Variants in NEMP2 observed in about 807,000 individuals in gnomAD.
NEMP2 encodes nuclear envelope integral membrane protein 2, also known as UPF0571 transmembrane protein.
NEMP2 carries 53 observed loss-of-function variants against 54.2 expected under a neutral mutation model. That is an observed-to-expected ratio of 0.98 (90% confidence interval 0.78 to 1.23). The LOEUF is 1.23. NEMP2 is among the 50% of genes most tolerant of loss of function. The probability of loss-of-function intolerance (pLI) is 0.00; values close to 1 mark genes in which losing one functional copy is unlikely to be tolerated. For missense variants in NEMP2, 455 were observed against 511.3 expected (o/e 0.89, Z 1.06); for synonymous variants, 197 against 190.3 (o/e 1.04, Z -0.29).
chr2:190,489,298 G>C, the NEMP2 span, among the ~76,000 whole-genome samples: 1 of 152,140 alleles, frequency 6.6e-6, no homozygotes, highest in Non-Finnish European at 1.5e-5. This position sits in a 1 kb window ranked among gnomAD's most constrained non-coding sequence, Gnocchi z 6.6. Context: ...AAACATAGGA[G>C]CTGAAATAGG....
chr2:190,465,487 C>A, the NEMP2 span, among the ~76,000 whole-genome samples: 1 of 151,764 alleles, frequency 6.6e-6, no homozygotes, highest in Non-Finnish European at 1.5e-5. The surrounding 1 kb of genome is among the most constrained non-coding windows in gnomAD (Gnocchi z 4.6). Flanking sequence ...GATTATACAT[C>A]AGTAATCTTA....
chr2:190,478,091 C>T, the NEMP2 span, among the ~76,000 whole-genome samples: 1 of 152,286 alleles, frequency 6.6e-6, no homozygotes, highest in East Asian at 1.9e-4. Context: ...TTGTATGCAC[C>T]TCAGGGATAT....
Position 190,533,929 on chromosome 2 carries a change from T to TAGC in NEMP2, c.97+627_97+629dup. On this transcript the variant is annotated intron_variant, in intron 1 of 8. Transcript: ENST00000409150. This position sits in a 1 kb window ranked among gnomAD's most constrained non-coding sequence, Gnocchi z 4.3. ...CCACTCCGTGGCGAGCCCCTACAGCTAGCAGCCGCTACCAGTTCTTGCTTC... is the reference window on the plus strand; with the variant it reads ...CCACTCCGTGGCGAGCCCCTACAGCTAGCAGCAGCCGCTACCAGTTCTTGCTTC... 1.0e-6 allele frequency: 1 copy of TAGC among 974,260 alleles called. No homozygotes were observed. The allele number at this position is 974,260 out of a possible 1,614,324, so 60.4% of individuals were successfully genotyped here.
At chr2:190,430,358 C>T in the NEMP2 span, among the ~76,000 whole-genome samples, 1 of 150,882 alleles carries the variant, frequency 6.6e-6, no homozygotes, top group Non-Finnish European at 1.5e-5. Flanking sequence ...TGCGGCCTTC[C>T]GCAGTGTTTG....
chr2:190,637,421 A>T, the NEMP2 span, among the ~76,000 whole-genome samples: 5 of 152,360 alleles, frequency 3.3e-5, no homozygotes, highest in South Asian at 1.0e-3. This position sits in a 1 kb window ranked among gnomAD's most constrained non-coding sequence, Gnocchi z 4.5. Context: ...CACACTGCTT[A>T]GCGTGTCAGA....
the NEMP2 span, among the ~76,000 whole-genome samples, chr2:190,567,315 GGAACAATATCT>G: frequency 6.6e-6 from 1 of 151,768 alleles, no homozygotes. The surrounding 1 kb of genome is among the most constrained non-coding windows in gnomAD (Gnocchi z 4.0). Context: ...CCATCTAGTA[GGAACAATATCT>G]GACTACAAGG....
At chr2:190,488,580 AAAT>A in the NEMP2 span, 1 of 1,253,782 alleles carries the variant, frequency 8.0e-7, no homozygotes, top group Non-Finnish European at 1.1e-6. The surrounding 1 kb of genome is among the most constrained non-coding windows in gnomAD (Gnocchi z 6.4). Context: ...GTGCCTAGTT[AAAT>A]AATTCACATT....
chr2:190,549,711 C>T, the NEMP2 span, among the ~76,000 whole-genome samples: 402 of 152,124 alleles, frequency 2.6e-3, no homozygotes, highest in Non-Finnish European at 4.9e-3. Flanking sequence ...TTTGACATAT[C>T]CTAGTAAATT....
the NEMP2 span, among the ~76,000 whole-genome samples, chr2:190,552,533 T>C: frequency 1.3e-5 from 2 of 151,938 alleles, no homozygotes; most frequent in African/African-American, 4.8e-5. Context: ...CAAGCCTGGG[T>C]AACATACCAA....
the NEMP2 span, chr2:190,489,957 T>A: frequency 9.2e-7 from 1 of 1,088,956 alleles, no homozygotes; most frequent in Non-Finnish European, 1.3e-6. This position sits in a 1 kb window ranked among gnomAD's most constrained non-coding sequence, Gnocchi z 6.6. Context: ...TGGTACAGAG[T>A]ATACAACAGG....
the NEMP2 span, among the ~76,000 whole-genome samples, chr2:190,600,247 G>A: frequency 2.0e-5 from 3 of 152,094 alleles, no homozygotes; most frequent in African/African-American, 7.2e-5. The surrounding 1 kb of genome is among the most constrained non-coding windows in gnomAD (Gnocchi z 4.9). Context: ...GCTCTTCAAG[G>A]AGAAGGAAGA....
At chr2:190,631,596 C>T in the NEMP2 span, among the ~76,000 whole-genome samples, 1 of 152,218 alleles carries the variant, frequency 6.6e-6, no homozygotes, top group Non-Finnish European at 1.5e-5. Context: ...TATATTAACA[C>T]ATGTTGATTG....
chr2:190,437,632 T>C, the NEMP2 span: 10 of 1,491,058 alleles, frequency 6.7e-6, no homozygotes, highest in Non-Finnish European at 8.1e-6. This position sits in a 1 kb window ranked among gnomAD's most constrained non-coding sequence, Gnocchi z 5.9. Flanking sequence ...TAGCTCCTTC[T>C]ACTACAATTT....
chr2:190,449,009 C>A, the NEMP2 span, among the ~76,000 whole-genome samples: 5 of 152,192 alleles, frequency 3.3e-5, no homozygotes, highest in African/African-American at 1.2e-4. Context: ...AAACATTTAT[C>A]CAAATACCTC....
At chr2:190,616,619 G>C in the NEMP2 span, among the ~76,000 whole-genome samples, 4 of 152,136 alleles carry the variant, frequency 2.6e-5, no homozygotes, top group East Asian at 7.7e-4. This position sits in a 1 kb window ranked among gnomAD's most constrained non-coding sequence, Gnocchi z 5.1. Context: ...TCACTACAAT[G>C]TATCCTCTTT....
At chr2:190,641,828 G>A in the NEMP2 span, among the ~76,000 whole-genome samples, 28 of 152,204 alleles carry the variant, frequency 1.8e-4, no homozygotes, top group African/African-American at 3.4e-4. Flanking sequence ...ATAGAGTTGC[G>A]GAGTTTTAAC....
rs1274480074 is a variant in NEMP2 at position 190,519,748 on chromosome 2, G to A, written c.214-565C>T. On this transcript the variant is annotated intron_variant, in intron 2 of 8. Transcript: ENST00000409150. This position sits in a 1 kb window ranked among gnomAD's most constrained non-coding sequence, Gnocchi z 5.4. ...CTGATTTAAGTCCCTCTTCTAGCAA[G>A]TTATTGTGGCCAAGAGACATTAAAA... 6.6e-5 allele frequency among the ~76,000 whole-genome samples: 10 copies of A among 152,164 alleles called. No homozygotes were observed. The highest frequency in any genetic ancestry group is 8.8e-5 in the Non-Finnish European group (6 of 68,040).
chr2:190,519,958 A>G lies in NEMP2; in HGVS notation c.214-775T>C, dbSNP rs1690697815. ...TGTCAGCATGTTTTAGCAATAAAGT[A>G]TTTCTTAAATTAAGGTATGTAGGGT... On this transcript the variant is annotated intron_variant, in intron 2 of 8. Transcript: ENST00000409150. The surrounding 1 kb of genome is among the most constrained non-coding windows in gnomAD (Gnocchi z 5.4). Among the ~76,000 whole-genome samples, 1 of 152,180 alleles carries G rather than the reference A, an allele frequency of 6.6e-6. No individual in the cohort carries two copies. The highest frequency in any genetic ancestry group is 2.1e-4 in the South Asian group (1 of 4,826).
At chr2:190,536,603 A>G (rs1691385099), upstream of NEMP2, among the ~76,000 whole-genome samples, 1 of 152,192 alleles carries the variant, frequency 6.6e-6, no homozygotes, top group Non-Finnish European at 1.5e-5. Flanking sequence ...CCTTTTCCCC[A>G]CTACAAGCCA....
Sources: allele counts gnomAD v4.1 joint callset (sites outside exome capture counted in the v4.1 genomes callset), GRCh38; gene constraint gnomAD v4.1.1; non-coding constraint Gnocchi (gnomAD v3.1); transcripts MANE v1.5; gene names NCBI Gene and HGNC (gene_info 2026-07-23, HGNC 2026-07-21).